The following KRT86 variants were observed in gnomAD, a reference collection of about 807,000 sequenced individuals.
The protein encoded by KRT86 is keratin, type II cuticular Hb6.
Under a neutral mutation model 41.2 loss-of-function variants are expected in KRT86, and 30 were observed. The observed-to-expected ratio is 0.73, with a 90% CI of 0.54 to 0.99. The LOEUF is 0.99. Ranked by LOEUF, KRT86 falls within the 50% of genes least tolerant of loss-of-function variation. KRT86 has a pLI of 0.00. For missense variants in KRT86, 561 were observed against 571.4 expected, an observed-to-expected ratio of 0.98 and a Z score of 0.19; for synonymous variants, 238 against 238.1, an observed-to-expected ratio of 1.00 and a Z score of 0.00.
At chr12:52,291,624 G>A in intron 2 of KRT86, 1 of 1,168,718 alleles carries the variant, frequency 8.6e-7, no homozygotes. Context: ...GCGCTTTATG[G>A]GCTTGGGTGG....
rs1938006593 is a variant in KRT86, at chr12:52,287,926, G to A, written c.-5+11980G>A. On this transcript the variant is annotated intron_variant, in intron 2 of 10. Coordinates refer to ENST00000423955, the MANE Select transcript of KRT86 (RefSeq NM_001320198.2). Reference sequence around the variant, plus strand: ...CCCAGAAAAGGAAGCCTATTTAATAGATATCTCACATCCCTCCCACTGACA... The same window carrying A: ...CCCAGAAAAGGAAGCCTATTTAATAAATATCTCACATCCCTCCCACTGACA... The A allele has an allele frequency of 3.1e-6, 5 of 1,613,556 alleles. No individual in the cohort carries two copies. The East Asian group carries it at 1.1e-4, about 36-fold the overall frequency.
intron 2 of KRT86, among the ~76,000 whole-genome samples, chr12:52,295,799 T>G (rs1291729029): frequency 6.6e-6 from 1 of 151,950 alleles, no homozygotes; most frequent in Non-Finnish European, 1.5e-5. Context: ...TATTAAGTGC[T>G]GAGTAATGGA....
chr12:52,281,908 A>G (rs1937780907), intron 2 of KRT86, among the ~76,000 whole-genome samples: 1 of 151,066 alleles, frequency 6.6e-6, no homozygotes, highest in Non-Finnish European at 1.5e-5. Flanking sequence ...TCTGCTAATT[A>G]AAAAAAAAGT....
chr12:52,288,639 C>T (rs1938045341), intron 2 of KRT86, among the ~76,000 whole-genome samples: 1 of 152,134 alleles, frequency 6.6e-6, no homozygotes, highest in Admixed American at 6.5e-5. Flanking sequence ...TGATGACAAA[C>T]CCTGTTTGCC....
intron 1 of KRT86, chr12:52,275,140 C>T (rs1942539972): frequency 6.6e-6 from 1 of 152,142 alleles, no homozygotes; most frequent in African/African-American, 2.4e-5. Context: ...GTTGTGAGGC[C>T]CCAGTGAGAT....
chr12:52,289,023 A>G (rs1938060293), intron 2 of KRT86, among the ~76,000 whole-genome samples: 2 of 125,488 alleles, frequency 1.6e-5, no homozygotes, highest in South Asian at 6.2e-4. Flanking sequence ...GTGCTGGTAG[A>G]TATTCCCAAG....
intron 2 of KRT86, chr12:52,277,509 G>C (rs775978541): frequency 2.6e-5 from 4 of 152,240 alleles, no homozygotes; most frequent in Non-Finnish European, 5.9e-5. Flanking sequence ...CGCTCCCTAC[G>C]CCCTGTGAAC....
chr12:52,308,462 C>G lies in KRT86; in HGVS notation c.1338C>G (p.Ala446=), dbSNP rs1207280454. The G allele has an allele frequency of 6.2e-7, 1 of 1,611,626 alleles. No homozygotes were observed. The highest frequency in any genetic ancestry group is 1.1e-5 in the South Asian group (1 of 91,062). The stretch of plus-strand genomic sequence containing the variant: ...GCGATCTCTGCGCCTCCACTACTGC[C>G]CCTGTTGTCTCCACCAGAGTCAGTA... ...VCGDLCASTT[A]PVVSTRVSSV... is the part of the protein sequence containing the mutation. Residue 446 remains alanine, a synonymous_variant, in exon 11 of 11, where the codon GCC becomes GCG. Transcript: ENST00000423955.
intron 2 of KRT86, among the ~76,000 whole-genome samples, chr12:52,297,624 T>C (rs1440976433): frequency 1.3e-5 from 2 of 152,218 alleles, no homozygotes; most frequent in Admixed American, 6.5e-5. Context: ...AAAGGTCCAC[T>C]TGGGCTAAAA....
chr12:52,286,487 C>A (rs1369301231), intron 2 of KRT86: 3 of 1,552,320 alleles, frequency 1.9e-6, no homozygotes, highest in Non-Finnish European at 2.6e-6. Flanking sequence ...CCGGGAGCTG[C>A]TGACACCTGT....
rs758338480 is a variant in KRT86 at position 52,305,747 on chromosome 12, A to T, written c.985A>T (p.Ile329Phe). The T allele has an allele frequency of 1.2e-6, 2 of 1,614,060 alleles. No individual in the cohort carries two copies. The highest frequency in any genetic ancestry group is 2.2e-5 in the East Asian group (1 of 44,882). The change falls in exon 8 of 11, where the codon ATC becomes TTC. Residue 329 changes from isoleucine (I) to phenylalanine (F), a missense_variant. By Grantham distance (21) the Ile-to-Phe change is conservative. Transcript: ENST00000423955. The stretch of plus-strand genomic sequence containing the variant: ...GGAGATCAACGAGCTGAACCGCATG[A>T]TCCAGAGGCTGACGGCTGAGGTGGA... ...KEEINELNRM[I>F]QRLTAEVENA...
chr12:52,282,283 A>T (rs1337734741), intron 2 of KRT86, among the ~76,000 whole-genome samples: 2 of 148,726 alleles, frequency 1.3e-5, no homozygotes, highest in African/African-American at 4.9e-5. Context: ...CCCAGGCTGG[A>T]CTGCAGTGGC....
chr12:52,292,577 T>C (rs1938154180), intron 2 of KRT86, among the ~76,000 whole-genome samples: 1 of 152,210 alleles, frequency 6.6e-6, no homozygotes, highest in African/African-American at 2.4e-5. Flanking sequence ...AGTTATTCAG[T>C]TGCACTATCC....
At chr12:52,303,039 CCCAGAGCTGGCTTTGGGGCA>C (rs1938421490) in intron 3 of KRT86, 41 bp from the exon 4 acceptor site, 1 of 302,984 alleles carries the variant, frequency 3.3e-6, no homozygotes, top group African/African-American at 2.9e-5. Flanking sequence ...CCTGCGAGCC[CCCAGAGCTGGCTTTGGGGCA>C]CCAGACACCA....
rs1937986921 is a variant in KRT86, at chr12:52,287,524, A to G, written c.-5+11578A>G. On this transcript the variant is annotated intron_variant, in intron 2 of 10. Coordinates refer to ENST00000423955, the MANE Select transcript of KRT86 (RefSeq NM_001320198.2). ...GGAGAATGAATGCTGAGATCCAGGT[A>G]GGGCACACATAGGCTGTGTGACAAT... 6 of 1,612,276 alleles carry G rather than the reference A, an allele frequency of 3.7e-6. No individual in the cohort carries two copies. The Admixed American group carries it at 8.3e-5, about 22-fold the overall frequency.
chr12:52,299,920 T>C (rs1214826746), intron 2 of KRT86, among the ~76,000 whole-genome samples: 1 of 152,236 alleles, frequency 6.6e-6, no homozygotes, highest in Non-Finnish European at 1.5e-5. Flanking sequence ...ATTGTTTCCT[T>C]TGGTGTGCAG....
At chr12:52,286,274 C>T (rs1592421254) in intron 2 of KRT86, 6 of 1,554,052 alleles carry the variant, frequency 3.9e-6, no homozygotes, top group South Asian at 1.2e-5. Flanking sequence ...CCGGCAGCTG[C>T]TGCCGCAAGA....
chr12:52,286,847 A>G lies in KRT86; in HGVS notation c.-5+10901A>G, dbSNP rs766783392. On this transcript the variant is annotated intron_variant, in intron 2 of 10. Transcript: ENST00000423955. ...CCTGAGGGCAAAAGAGAAAAAGGCA[A>G]CATTAGTGACTGCCCCAGAGTGGCT... 2.7e-5 allele frequency: 44 copies of G among 1,613,174 alleles called. No individual in the cohort carries two copies. In the South Asian group the frequency reaches 4.6e-4, roughly 17 times the overall value.
intron 2 of KRT86, chr12:52,287,410 G>A: frequency 1.9e-6 from 3 of 1,580,532 alleles, no homozygotes; most frequent in Non-Finnish European, 2.6e-6. Flanking sequence ...CCACCAAGCT[G>A]GGAGCACCCC....
Sources: allele counts gnomAD v4.1 joint callset (sites outside exome capture counted in the v4.1 genomes callset), GRCh38; gene constraint gnomAD v4.1.1; transcripts MANE v1.5; gene names NCBI Gene and HGNC (gene_info 2026-07-23, HGNC 2026-07-21).